The following IFT172 variants were observed in gnomAD, a reference collection of about 807,000 sequenced individuals.
IFT172 encodes intraflagellar transport protein 172 homolog.
In IFT172, 164 loss-of-function variants were observed where a neutral mutation model predicts 248.9. The ratio of observed to expected loss-of-function variants is 0.66; its 90% confidence interval spans 0.58 to 0.75. The LOEUF is 0.75. Among genes scored for constraint, IFT172 ranks in the 30% least tolerant of loss-of-function variants. The pLI is 0.00. For synonymous variants in IFT172, 729 were observed against 791.6 expected (o/e 0.92, Z 1.33); for missense variants, 1,950 against 2,192.4 (o/e 0.89, Z 2.21).
rs1481609415 is a variant in IFT172, at chr2:27,485,348, T to C, written c.183+12A>G. 6.2e-7 allele frequency: 1 copy of C among 1,613,906 alleles called. No homozygotes were observed. Among genetic ancestry groups the C allele is most frequent in the Admixed American group, 1.7e-5 (1 of 60,024 alleles). ...ATAGGTTAAATAAGGTACACATGAA[T>C]ACACTGTTTACCTTCATGTCAGCTG... On this transcript the variant is annotated intron_variant, in intron 2 of 47. Transcript: ENST00000260570.
intron 37 of IFT172, 36 bp downstream of exon 37, chr2:27,449,655 A>C: frequency 6.2e-7 from 1 of 1,610,576 alleles, no homozygotes; most frequent in Non-Finnish European, 8.5e-7. Context: ...AGGAAGTAAA[A>C]GAGAATTTCG....
chr2:27,461,917 A>G, intron 20 of IFT172, 81 bp from the exon 21 acceptor site: 3 of 1,495,444 alleles, frequency 2.0e-6, no homozygotes, highest in Non-Finnish European at 2.8e-6. Context: ...CAGCCTGGCT[A>G]AGATGCCAGC....
At chr2:27,474,232 T>C (rs1006065732) in intron 14 of IFT172, among the ~76,000 whole-genome samples, 20 of 152,216 alleles carry the variant, frequency 1.3e-4, no homozygotes, top group Non-Finnish European at 2.2e-4. Context: ...ATTGTTTCCA[T>C]TATAGATACC....
chr2:27,449,264 G>A, intron 39 of IFT172, 30 bp downstream of exon 39: 1 of 1,613,294 alleles, frequency 6.2e-7, no homozygotes, highest in Non-Finnish European at 8.5e-7. Context: ...AAAATGTAAA[G>A]AAAAACTGGG....
intron 5 of IFT172, 62 bp from the exon 6 acceptor site, chr2:27,483,721 GA>G: frequency 2.6e-6 from 4 of 1,557,016 alleles, no homozygotes; most frequent in East Asian, 2.2e-5. Flanking sequence ...TAGGCCCTAA[GA>G]AAAAAAGGAA....
intron 14 of IFT172, among the ~76,000 whole-genome samples, chr2:27,474,423 C>T (rs183528829): frequency 1.3e-5 from 2 of 152,184 alleles, no homozygotes; most frequent in African/African-American, 2.4e-5. Flanking sequence ...AAAATTAGAT[C>T]GCTACCCACA....
At chr2:27,462,460 T>G (rs1666753710) in intron 20 of IFT172, among the ~76,000 whole-genome samples, 1 of 152,108 alleles carries the variant, frequency 6.6e-6, no homozygotes. Context: ...AGTAGACTGC[T>G]TATGAAAGAA....
intron 33 of IFT172, 112 bp from the exon 34 acceptor site, chr2:27,453,851 C>G: frequency 7.2e-7 from 1 of 1,379,782 alleles, no homozygotes; most frequent in South Asian, 1.3e-5. Flanking sequence ...TCTTCTCCTC[C>G]TCTTTCCTGT....
intron 12 of IFT172, 56 bp downstream of exon 12, chr2:27,477,503 A>G (rs1015521510): frequency 7.4e-7 from 1 of 1,356,630 alleles, no homozygotes; most frequent in Non-Finnish European, 1.1e-6. Flanking sequence ...TCTTTATGAC[A>G]CAGAAGCTAG....
chr2:27,446,940 C>T (rs1665178621), intron 42 of IFT172, among the ~76,000 whole-genome samples: 1 of 151,834 alleles, frequency 6.6e-6, no homozygotes, highest in African/African-American at 2.4e-5. Flanking sequence ...ACCTCATGAT[C>T]CACCCGCCTC....
intron 1 of IFT172, among the ~76,000 whole-genome samples, chr2:27,487,610 T>C (rs1668860788): frequency 2.0e-5 from 3 of 152,218 alleles, no homozygotes; most frequent in Admixed American, 2.0e-4. Flanking sequence ...AATTTATTTT[T>C]TGAGGCAGAG....
intron 26 of IFT172, 103 bp from the exon 27 acceptor site, chr2:27,458,326 C>T: frequency 1.0e-6 from 1 of 961,082 alleles, no homozygotes. Flanking sequence ...TCCCAACAAT[C>T]ACAGGAGTTT....
At chr2:27,470,009 G>A (rs1361255559) in intron 16 of IFT172, among the ~76,000 whole-genome samples, 1 of 151,860 alleles carries the variant, frequency 6.6e-6, no homozygotes, top group African/African-American at 2.4e-5. Context: ...AAACTTTCAA[G>A]GTAACCTCTA....
chr2:27,473,111 A>T (rs1667695496), intron 14 of IFT172, among the ~76,000 whole-genome samples: 1 of 151,978 alleles, frequency 6.6e-6, no homozygotes, highest in Non-Finnish European at 1.5e-5. Context: ...TCATGCCTGT[A>T]ATCTCAGCAC....
chr2:27,462,861 T>G, intron 19 of IFT172, 68 bp from the exon 20 acceptor site: 3 of 1,468,034 alleles, frequency 2.0e-6, no homozygotes, highest in Admixed American at 1.7e-5. Context: ...GGGCTGAAAT[T>G]GGAAGGCCAG....
Position 27,485,502 on chromosome 2 carries a change from T to C in IFT172, c.41A>G (p.Asp14Gly). Residue 14 changes from aspartate (D) to glycine (G), a missense_variant and splice_region_variant, in exon 2 of 48, where the codon GAT (aspartate) becomes GGT (glycine). By Grantham distance (94) the Asp-to-Gly change is moderately conservative. Around this residue, in one of 3 missense-constraint regions of IFT172, gnomAD observed 1,166 missense variants for 1,254.1 expected, o/e 0.93. Coordinates refer to ENST00000260570, the MANE Select transcript of IFT172 (RefSeq NM_015662.3). ...KHLRTLLSPQ[D>G]GAAKVTCMAW... ...CATGCAGGTCACCTTTGCAGCTCCATCCTGTAGAGGCAAAGGGGTAAAAAC... is the reference window on the plus strand; with the variant it reads ...CATGCAGGTCACCTTTGCAGCTCCACCCTGTAGAGGCAAAGGGGTAAAAAC... The C allele has an allele frequency of 6.2e-7, 1 of 1,613,948 alleles. No individual in the cohort carries two copies. Among genetic ancestry groups the C allele is most frequent in the Middle Eastern group, 1.7e-4 (1 of 6,028 alleles).
chr2:27,484,338 T>C, intron 3 of IFT172, 72 bp from the exon 4 acceptor site: 1 of 1,543,980 alleles, frequency 6.5e-7, no homozygotes, highest in Non-Finnish European at 8.9e-7. Flanking sequence ...ATGCCTGTAA[T>C]CCCAGCACTT....
In IFT172 at chr2:27,456,588, C is replaced by T; in HGVS notation, c.3294G>A (p.Leu1098=). 1 of 1,614,216 alleles carries T rather than the reference C, an allele frequency of 6.2e-7. No homozygotes were observed. The highest frequency in any genetic ancestry group is 8.5e-7 in the Non-Finnish European group (1 of 1,180,028). The change falls in exon 30 of 48, where the codon CTG becomes CTA. Residue 1098 remains leucine, a synonymous_variant. Transcript: ENST00000260570. ...KHVAYLWAKS[L]GGEAAVRLLN... ...GCAGTCTAACTGCAGCCTCTCCTCCCAGGCTCTTTGCCCACAGATAGGCCA... is the reference window on the plus strand; with the variant it reads ...GCAGTCTAACTGCAGCCTCTCCTCCTAGGCTCTTTGCCCACAGATAGGCCA...
At chr2:27,479,060 A>C (rs1668161448) in intron 10 of IFT172, among the ~76,000 whole-genome samples, 1 of 152,050 alleles carries the variant, frequency 6.6e-6, no homozygotes, top group Non-Finnish European at 1.5e-5. Context: ...GATGGAGTGC[A>C]GTGGTGCAAT....
Sources: gnomAD v4.1 joint callset for allele counts (sites outside exome capture counted in the v4.1 genomes callset) on GRCh38, gnomAD v4.1.1 for gene constraint, gnomAD v4.1.1 regional missense constraint, MANE v1.5 for transcripts, NCBI Gene and HGNC (gene_info 2026-07-23, HGNC 2026-07-21) for gene names.